Variants in STIM1 observed in about 807,000 individuals in gnomAD.
STIM1 encodes the protein stromal interaction molecule 1.
In STIM1, 25 loss-of-function variants were observed where a neutral mutation model predicts 74.7. That is an observed-to-expected ratio of 0.33 (90% CI 0.24 to 0.47). STIM1 has a LOEUF of 0.47. STIM1 is among the 20% of genes least tolerant of loss of function. STIM1 has a pLI of 1.00. For missense variants in STIM1, 728 were observed against 920.8 expected, an observed-to-expected ratio of 0.79 and a Z score of 2.71; for synonymous variants, 328 against 348.8, an observed-to-expected ratio of 0.94 and a Z score of 0.66.
At chr11:3,918,725 G>T (rs898833020) in intron 1 of STIM1, among the ~76,000 whole-genome samples, 1 of 152,090 alleles carries the variant, frequency 6.6e-6, no homozygotes, top group Non-Finnish European at 1.5e-5. Flanking sequence ...GAACCCAGGG[G>T]TCAGGGTCAG....
chr11:4,090,013 A>G (rs912455669), intron 12 of STIM1, among the ~76,000 whole-genome samples: 4 of 152,068 alleles, frequency 2.6e-5, no homozygotes, highest in Admixed American at 6.6e-5. Flanking sequence ...CTTAGCAACC[A>G]CCAGCTCCTT....
chr11:3,970,865 A>G (rs185876283), intron 2 of STIM1, among the ~76,000 whole-genome samples: 274 of 152,318 alleles, frequency 1.8e-3, no homozygotes, highest in Non-Finnish European at 2.7e-3. Context: ...TTACTTTTAC[A>G]TTTGTTTTTA....
At chr11:4,073,577 G>C (rs2094419099) in intron 6 of STIM1, among the ~76,000 whole-genome samples, 1 of 152,202 alleles carries the variant, frequency 6.6e-6, no homozygotes, top group Admixed American at 6.5e-5. Flanking sequence ...TTGGCACTTA[G>C]TAGGCACTTG....
At chr11:4,079,892 G>A (rs4910881) in intron 7 of STIM1, among the ~76,000 whole-genome samples, 123,277 of 151,974 alleles carry the variant, frequency 0.81, 51,945 homozygotes, top group East Asian at 0.95. Flanking sequence ...TGAAATCACT[G>A]TCTCTAGGTT....
chr11:4,040,014 C>T (rs2094136207), intron 3 of STIM1, among the ~76,000 whole-genome samples: 2 of 152,148 alleles, frequency 1.3e-5, no homozygotes, highest in African/African-American at 4.8e-5. Flanking sequence ...TGTGATCTGC[C>T]TGCCTCGGCC....
At position 3,864,117 on chromosome 11, in the gene STIM1, G is replaced by A. The variant is rs181039834; in HGVS notation, c.139+7708G>A. On this transcript the variant is annotated intron_variant, in intron 1 of 12. Transcript: ENST00000526596. ...ATTCAAGGCTTACTGTGGGCCATGGGGAGACTGTTAATAAAGTCTGGGTGC... is the reference window on the plus strand; with the variant it reads ...ATTCAAGGCTTACTGTGGGCCATGGAGAGACTGTTAATAAAGTCTGGGTGC... Among the ~76,000 whole-genome samples the A allele has an allele frequency of 2.6e-5, 4 of 152,160 alleles. No individual in the cohort carries two copies. The East Asian group carries it at 7.7e-4, about 29-fold the overall frequency.
intron 1 of STIM1, among the ~76,000 whole-genome samples, chr11:3,926,420 A>T (rs1188869890): frequency 6.6e-6 from 1 of 152,220 alleles, no homozygotes; most frequent in African/African-American, 2.4e-5. Context: ...AACAATTATA[A>T]AATAAGAGTT....
chr11:3,897,735 A>G (rs1186129551), intron 1 of STIM1, among the ~76,000 whole-genome samples: 13 of 151,930 alleles, frequency 8.6e-5, no homozygotes, highest in Non-Finnish European at 1.5e-4. Context: ...TCATTGTTCA[A>G]TTCCCACCTA....
At chr11:3,956,955 G>A (rs1256912306) in intron 1 of STIM1, among the ~76,000 whole-genome samples, 3 of 151,444 alleles carry the variant, frequency 2.0e-5, no homozygotes, top group African/African-American at 4.8e-5. Flanking sequence ...GGCACTGTAC[G>A]AGTCCCTTGG....
At chr11:3,937,290 C>CAATAATAATAAAATAATAATAAT (rs2092944608) in intron 1 of STIM1, among the ~76,000 whole-genome samples, 1 of 133,078 alleles carries the variant, frequency 7.5e-6, no homozygotes, top group Admixed American at 7.5e-5. Flanking sequence ...GACTTCATCT[C>CAATAATAATAAAATAATAATAAT]AATAATAATA....
At chr11:3,888,238 A>T (rs548695490) in intron 1 of STIM1, 1 of 152,286 alleles carries the variant, frequency 6.6e-6, no homozygotes, top group East Asian at 1.9e-4. Context: ...ATGAAACTAG[A>T]TAAGTATTCA....
rs371937648 is a variant in STIM1 at position 4,064,870 on chromosome 11, C to T, written c.614-5156C>T. On this transcript the variant is annotated intron_variant, in intron 5 of 12. Transcript: ENST00000526596. Reference sequence around the variant, plus strand: ...CCCATCTAGGGCTCGCCAAACAGTACCAGTTTGCAGATGTTAGGTGTGTTT... The same window carrying T: ...CCCATCTAGGGCTCGCCAAACAGTATCAGTTTGCAGATGTTAGGTGTGTTT... 3.3e-5 allele frequency among the ~76,000 whole-genome samples: 5 copies of T among 152,230 alleles called. No individual in the cohort carries two copies. In the East Asian group the frequency reaches 7.7e-4, roughly 24 times the overall value.
intron 2 of STIM1, among the ~76,000 whole-genome samples, chr11:4,021,405 C>T (rs993079436): frequency 6.6e-6 from 1 of 152,230 alleles, no homozygotes; most frequent in African/African-American, 2.4e-5. Flanking sequence ...GGATTACAGG[C>T]ATGAGCCACC....
At chr11:4,032,042 T>G (rs917993576) in intron 3 of STIM1, among the ~76,000 whole-genome samples, 3 of 152,382 alleles carry the variant, frequency 2.0e-5, no homozygotes, top group African/African-American at 7.2e-5. Flanking sequence ...TTGTATTAAT[T>G]TTTATATGTG....
chr11:3,979,444 A>T (rs188370378), intron 2 of STIM1, among the ~76,000 whole-genome samples: 1 of 151,984 alleles, frequency 6.6e-6, no homozygotes, highest in East Asian at 1.9e-4. Context: ...TTTGTTTTTC[A>T]TTGAAATATA....
chr11:3,932,862 G>A (rs2092886219), intron 1 of STIM1, among the ~76,000 whole-genome samples: 1 of 152,076 alleles, frequency 6.6e-6, no homozygotes, highest in African/African-American at 2.4e-5. Flanking sequence ...TGTTGTTTAA[G>A]CTGCCCTGTC....
intron 1 of STIM1, among the ~76,000 whole-genome samples, chr11:3,942,489 A>C (rs979971377): frequency 1.7e-4 from 26 of 152,110 alleles, no homozygotes; most frequent in Admixed American, 5.9e-4. Context: ...GTGCCTCAGG[A>C]GAGTTCCTGA....
At chr11:3,973,511 C>T (rs1488936955) in intron 2 of STIM1, 1 of 219,808 alleles carries the variant, frequency 4.5e-6, no homozygotes, top group Non-Finnish European at 9.0e-6. Context: ...GTGATCCTCC[C>T]ATCTCAGCCT....
At chr11:3,875,494 G>C (rs996253188) in intron 1 of STIM1, among the ~76,000 whole-genome samples, 1 of 152,160 alleles carries the variant, frequency 6.6e-6, no homozygotes, top group Non-Finnish European at 1.5e-5. Context: ...GGGAGGCCGA[G>C]GCAGGCAGAT....
Sources: gnomAD v4.1 joint callset for allele counts (sites outside exome capture counted in the v4.1 genomes callset) on GRCh38, gnomAD v4.1.1 for gene constraint, MANE v1.5 for transcripts, NCBI Gene and HGNC (gene_info 2026-07-23, HGNC 2026-07-21) for gene names.